Variants in DTNB observed in about 807,000 individuals in gnomAD.
The protein encoded by DTNB is DTN-B.
In DTNB, 63 loss-of-function variants were observed where a neutral mutation model predicts 90.7. That is an observed-to-expected ratio of 0.69 (90% CI 0.57 to 0.86). DTNB has a LOEUF of 0.86. DTNB is among the 40% of genes least tolerant of loss of function. DTNB has a pLI of 0.00. For missense variants in DTNB, 744 were observed against 807.1 expected (o/e 0.92, Z 0.95); for synonymous variants, 277 against 286.7 (o/e 0.97, Z 0.34).
At chr2:25,491,137 G>GCA (rs368677624) in intron 9 of DTNB, among the ~76,000 whole-genome samples, 102,260 of 139,892 alleles carry the variant, frequency 0.73, 35,291 homozygotes, top group East Asian at 0.82. Flanking sequence ...TGTTATATGA[G>GCA]CACACACACA....
chr2:25,639,843 C>G (rs1338562451), intron 2 of DTNB, among the ~76,000 whole-genome samples: 1 of 152,166 alleles, frequency 6.6e-6, no homozygotes, highest in Non-Finnish European at 1.5e-5. Flanking sequence ...TGCTGGGAGC[C>G]CAGATGCCAT....
At chr2:25,438,618 A>G (rs911832942) in intron 12 of DTNB, among the ~76,000 whole-genome samples, 7 of 152,332 alleles carry the variant, frequency 4.6e-5, no homozygotes, top group African/African-American at 1.7e-4. Flanking sequence ...GAACAGACAA[A>G]TTTCCCATAC....
At chr2:25,652,548 A>AAC (rs33949722) in intron 2 of DTNB, 46 bp downstream of exon 2, 2 of 1,548,644 alleles carry the variant, frequency 1.3e-6, no homozygotes, top group South Asian at 1.2e-5. Context: ...AAAAAAAAAA[A>AAC]CCACACAAAC....
intron 8 of DTNB, among the ~76,000 whole-genome samples, chr2:25,563,968 C>A (rs1160605632): frequency 3.3e-5 from 5 of 152,092 alleles, no homozygotes; most frequent in Non-Finnish European, 7.4e-5. Context: ...TGCGTGCGAT[C>A]TCAGCTTACT....
intron 16 of DTNB, among the ~76,000 whole-genome samples, chr2:25,390,989 C>T (rs535413529): frequency 1.5e-4 from 22 of 150,816 alleles, no homozygotes; most frequent in Admixed American, 8.6e-4. Flanking sequence ...CTCCGCCTCC[C>T]GGGTTCACAC....
chr2:25,641,179 A>G (rs1356719153), intron 2 of DTNB, among the ~76,000 whole-genome samples: 1 of 152,198 alleles, frequency 6.6e-6, no homozygotes, highest in Non-Finnish European at 1.5e-5. Flanking sequence ...GAAAAAGGGT[A>G]CAGAGATTAG....
chr2:25,517,692 A>AGG (rs2150756028), intron 9 of DTNB, among the ~76,000 whole-genome samples: 1 of 152,332 alleles, frequency 6.6e-6, no homozygotes, highest in Non-Finnish European at 1.5e-5. Flanking sequence ...GAATACATAC[A>AGG]AAAGAACTGA....
chr2:25,395,725 T>C (rs1195391552), intron 16 of DTNB, among the ~76,000 whole-genome samples: 1 of 152,130 alleles, frequency 6.6e-6, no homozygotes, highest in East Asian at 1.9e-4. Context: ...TCTCATGTAA[T>C]TGATAAAGGT....
intron 16 of DTNB, among the ~76,000 whole-genome samples, chr2:25,414,393 A>C (rs933400251): frequency 3.3e-5 from 5 of 152,214 alleles, no homozygotes; most frequent in African/African-American, 1.2e-4. Context: ...AGTAGCTGGG[A>C]CTACAGGTGC....
chr2:25,469,342 T>C (rs542022659), intron 10 of DTNB, among the ~76,000 whole-genome samples: 86 of 152,278 alleles, frequency 5.6e-4, no homozygotes, highest in African/African-American at 1.9e-3. Flanking sequence ...CTCCAGGTAC[T>C]GAAGAGTCCC....
intron 9 of DTNB, among the ~76,000 whole-genome samples, chr2:25,509,826 T>C (rs1239452833): frequency 6.9e-6 from 1 of 144,242 alleles, no homozygotes; most frequent in African/African-American, 2.6e-5. Context: ...CTCAGCTCAA[T>C]TGCAACCTCC....
chr2:25,524,422 T>TGG (rs1299397711), intron 9 of DTNB, among the ~76,000 whole-genome samples: 11 of 131,650 alleles, frequency 8.4e-5, no homozygotes, highest in African/African-American at 3.1e-4. Flanking sequence ...TTTTTTTTGG[T>TGG]GGGGGGGGTG....
At chr2:25,574,109 A>G (rs2060299218) in intron 8 of DTNB, among the ~76,000 whole-genome samples, 3 of 152,210 alleles carry the variant, frequency 2.0e-5, no homozygotes, top group Non-Finnish European at 1.5e-5. Flanking sequence ...GGTTCCATTT[A>G]GCTACACGAA....
intron 5 of DTNB, among the ~76,000 whole-genome samples, chr2:25,600,261 T>C (rs1325100040): frequency 6.6e-6 from 1 of 152,252 alleles, no homozygotes; most frequent in Non-Finnish European, 1.5e-5. Flanking sequence ...TGGGAATGAC[T>C]ATGTGCCACT....
chr2:25,579,063 T>C (rs887391745), intron 7 of DTNB, among the ~76,000 whole-genome samples: 2 of 150,676 alleles, frequency 1.3e-5, no homozygotes, highest in South Asian at 2.1e-4. Flanking sequence ...TTATACACTT[T>C]ATAAAAGTCA....
At chr2:25,414,588 A>T (rs1383891628) in intron 16 of DTNB, among the ~76,000 whole-genome samples, 1 of 152,112 alleles carries the variant, frequency 6.6e-6, no homozygotes, top group Non-Finnish European at 1.5e-5. Flanking sequence ...TTCTGAGTGG[A>T]TCTCCTGAAT....
intron 4 of DTNB, among the ~76,000 whole-genome samples, chr2:25,616,630 T>TTAAAAAAAAAA (rs529251107): frequency 8.5e-6 from 1 of 117,684 alleles, no homozygotes; most frequent in Non-Finnish European, 1.7e-5. Flanking sequence ...CTATTTATAG[T>TTAAAAAAAAAA]AAAAAAAAAA....
At chr2:25,394,737 G>A (rs1178099075) in intron 16 of DTNB, among the ~76,000 whole-genome samples, 3 of 152,148 alleles carry the variant, frequency 2.0e-5, no homozygotes, top group African/African-American at 7.2e-5. Context: ...AATAATAGAT[G>A]TCGGTGTGAA....
intron 8 of DTNB, among the ~76,000 whole-genome samples, chr2:25,571,891 C>A (rs2059927937): frequency 6.6e-6 from 1 of 151,776 alleles, no homozygotes; most frequent in Non-Finnish European, 1.5e-5. Context: ...TACAACATAC[C>A]CTCCTTGTGG....
Sources: allele counts gnomAD v4.1 joint callset (sites outside exome capture counted in the v4.1 genomes callset), GRCh38; gene constraint gnomAD v4.1.1; transcripts MANE v1.5; gene names NCBI Gene and HGNC (gene_info 2026-07-23, HGNC 2026-07-21).